Variants in STX3 observed in about 807,000 individuals in gnomAD.
STX3 encodes the protein syntaxin-3.
Under a neutral mutation model 40.2 loss-of-function variants are expected in STX3, and 19 were observed. That is an observed-to-expected ratio of 0.47 (90% CI 0.33 to 0.69). The LOEUF is 0.69. Among genes scored for constraint, STX3 ranks in the 30% least tolerant of loss-of-function variants. The pLI, the probability that STX3 is intolerant of heterozygous loss-of-function variation, is 0.02. For synonymous variants in STX3, 122 were observed against 132.2 expected (o/e 0.92, Z 0.53); for missense variants, 364 against 366.7 (o/e 0.99, Z 0.06).
At chr11:59,780,012 A>G (rs776668772) in intron 2 of STX3, among the ~76,000 whole-genome samples, 3 of 152,202 alleles carry the variant, frequency 2.0e-5, no homozygotes, top group Admixed American at 6.5e-5. Flanking sequence ...GGCTCTTCCA[A>G]TGGGGCAGGC....
chr11:59,801,905 G>A lies in STX3; in HGVS notation c.*1081G>A. On this transcript the variant is annotated 3_prime_UTR_variant, in exon 11 of 11. Transcript: ENST00000337979. ...CCTGCAAATGAATCACTGTGGAAAT[G>A]TGATCTTCCCATATCATCAAGAAAC... 1.0e-6 allele frequency: 1 copy of A among 985,436 alleles called. No homozygotes were observed. Among genetic ancestry groups the A allele is most frequent in the Non-Finnish European group, 1.2e-6 (1 of 829,912 alleles). 61.0% of individuals were successfully genotyped at this position (985,436 alleles called of 1,614,324 possible). A position where few individuals can be genotyped will look rare whatever the true frequency, so the allele number is the denominator to read the frequency against.
rs1432853697 is a variant in STX3 at position 59,786,912 on chromosome 11, C to T, written c.115-125C>T. The T allele has an allele frequency of 1.2e-5, 9 of 741,892 alleles. No individual in the cohort carries two copies. In the East Asian group the frequency reaches 1.3e-4, roughly 11 times the overall value. The allele number at this position is 741,892 out of a possible 1,614,324, so 46.0% of individuals were successfully genotyped here. On this transcript the variant is annotated intron_variant, in intron 2 of 10. Transcript: ENST00000337979. Reference sequence around the variant, plus strand: ...CACTGGGCAGCTGAGGACTTTAAGTCATTATCTTCTTCCACAAACCCAGAA... The same window carrying T: ...CACTGGGCAGCTGAGGACTTTAAGTTATTATCTTCTTCCACAAACCCAGAA...
chr11:59,769,135 C>T lies in STX3; in HGVS notation c.31-4076C>T, dbSNP rs112284788. Among the ~76,000 whole-genome samples, 774 of 152,292 alleles carry T rather than the reference C, an allele frequency of 5.1e-3. 6 individuals are homozygous for T. Among genetic ancestry groups the T allele is most frequent in the African/African-American group, 7.3e-3 (303 of 41,560 alleles). On this transcript the variant is annotated intron_variant, in intron 1 of 10. Transcript: ENST00000337979. ...AGGTTGATTCCATATTTTTGAGGCT[C>T]AGAGGGGTTAAACCATCTGTTTAAT...
chr11:59,780,348 GCAGCTGTCTACAAGC>G (rs1294440954), intron 2 of STX3, among the ~76,000 whole-genome samples: 2 of 152,138 alleles, frequency 1.3e-5, no homozygotes, highest in Non-Finnish European at 2.9e-5. Context: ...CTGGAAGAAG[GCAGCTGTCTACAAGC>G]CAGGAAGAGG....
intron 6 of STX3, 42 bp downstream of exon 6, chr11:59,792,257 C>T: frequency 6.4e-7 from 1 of 1,556,460 alleles, no homozygotes; most frequent in Non-Finnish European, 8.8e-7. Context: ...ACCTTTCCTG[C>T]CACCTGGTTG....
Position 59,787,047 on chromosome 11 carries a change from C to G in STX3, c.125C>G (p.Thr42Ser). ...TCTTTCTGATTATAGATTGAGGAAA[C>G]TCGGCTTAACATTGACAAGATCTCA... is the stretch of plus-strand genomic sequence containing the variant. ...MDEFFSEIEE[T>S]RLNIDKISEH... The change falls in exon 3 of 11, where the codon ACT (threonine) becomes AGT (serine). Residue 42 changes from threonine (T) to serine (S), a missense_variant. Transcript: ENST00000337979. The G allele has an allele frequency of 1.2e-6, 2 of 1,613,984 alleles. No homozygotes were observed. Among genetic ancestry groups the G allele is most frequent in the Non-Finnish European group, 1.7e-6 (2 of 1,179,886 alleles).
chr11:59,779,391 A>G (rs1864204588), intron 2 of STX3, among the ~76,000 whole-genome samples: 1 of 152,164 alleles, frequency 6.6e-6, no homozygotes. Flanking sequence ...AGTGCACAAA[A>G]CACAGTCATG....
chr11:59,765,630 CCT>C (rs910570416), intron 1 of STX3, among the ~76,000 whole-genome samples: 3 of 152,026 alleles, frequency 2.0e-5, no homozygotes, highest in African/African-American at 7.3e-5. Context: ...ATGGTGAAAC[CCT>C]GTCTCTACTA....
At chr11:59,797,217 G>T in intron 9 of STX3, 66 bp from the exon 10 acceptor site, 1 of 1,284,768 alleles carries the variant, frequency 7.8e-7, no homozygotes, top group Non-Finnish European at 1.1e-6. Flanking sequence ...GTTAGGTTTT[G>T]GATGAGTTGT....
intron 1 of STX3, among the ~76,000 whole-genome samples, chr11:59,767,599 T>C (rs1264713818): frequency 2.6e-5 from 4 of 152,186 alleles, no homozygotes; most frequent in Non-Finnish European, 5.9e-5. Context: ...TCCAGTTTCA[T>C]GTGACTCCAG....
At chr11:59,758,008 T>C (rs1369060201) in intron 1 of STX3, among the ~76,000 whole-genome samples, 3 of 152,194 alleles carry the variant, frequency 2.0e-5, no homozygotes, top group Non-Finnish European at 4.4e-5. Flanking sequence ...AAATTGCACA[T>C]TGAGCAGCCT....
At position 59,793,473 on chromosome 11, in the gene STX3, C is replaced by T. The variant is rs754264228; in HGVS notation, c.634C>T (p.His212Tyr). 1 of 1,614,152 alleles carries T rather than the reference C, an allele frequency of 6.2e-7. No individual in the cohort carries two copies. The highest frequency in any genetic ancestry group is 8.5e-7 in the Non-Finnish European group (1 of 1,180,032). ...GCTGGAGAGCAGCATCAAGGAGCTT[C>T]ACGACATGTTTATGGACATCGCCAT... ...VRLESSIKELHDMFMDIAMLV... is the reference protein window; with the variant it reads ...VRLESSIKELYDMFMDIAMLV... Residue 212 changes from histidine to tyrosine, a missense_variant, in exon 8 of 11, where the codon CAC (histidine) becomes TAC (tyrosine). Coordinates refer to ENST00000337979, the MANE Select transcript of STX3 (RefSeq NM_004177.5).
chr11:59,792,028 G>A, intron 5 of STX3, 79 bp from the exon 6 acceptor site: 1 of 1,116,284 alleles, frequency 9.0e-7, no homozygotes, highest in Admixed American at 2.0e-5. Context: ...TATTGTAGAT[G>A]GCTATGTGGG....
At chr11:59,766,727 T>A (rs755196669) in intron 1 of STX3, among the ~76,000 whole-genome samples, 1 of 152,256 alleles carries the variant, frequency 6.6e-6, no homozygotes, top group East Asian at 1.9e-4. Flanking sequence ...CCAGCTGCTC[T>A]CAGTGACAGG....
chr11:59,798,030 G>T (rs1229862585), intron 10 of STX3, among the ~76,000 whole-genome samples: 6 of 152,176 alleles, frequency 3.9e-5, no homozygotes, highest in Non-Finnish European at 7.3e-5. Context: ...AGAGAATGTT[G>T]AATAACAGGG....
intron 2 of STX3, chr11:59,781,847 T>C (rs1259088178): frequency 1.1e-6 from 1 of 921,008 alleles, no homozygotes; most frequent in Non-Finnish European, 1.6e-6. Context: ...TGTCATTTTT[T>C]GGGGAAAGTG....
intron 2 of STX3, among the ~76,000 whole-genome samples, chr11:59,786,270 C>T (rs1590805176): frequency 2.1e-5 from 3 of 143,742 alleles, no homozygotes; most frequent in Non-Finnish European, 4.5e-5. Context: ...GAGGCAGTCT[C>T]GCTGTGTCGT....
chr11:59,765,118 A>G (rs893870926), intron 1 of STX3, among the ~76,000 whole-genome samples: 5 of 152,116 alleles, frequency 3.3e-5, no homozygotes, highest in African/African-American at 7.2e-5. Flanking sequence ...TTAGGATATC[A>G]TTATCTGTCA....
At chr11:59,790,617 A>C (rs1316040532) in intron 5 of STX3, 31 bp downstream of exon 5, 1 of 1,536,968 alleles carries the variant, frequency 6.5e-7, no homozygotes, top group Admixed American at 1.7e-5. Flanking sequence ...ATGATTAGCT[A>C]GTCCAATCTC....
Sources: allele counts gnomAD v4.1 joint callset (sites outside exome capture counted in the v4.1 genomes callset), GRCh38; gene constraint gnomAD v4.1.1; transcripts MANE v1.5; gene names NCBI Gene and HGNC (gene_info 2026-07-23, HGNC 2026-07-21).